The following RALYL variants were observed in gnomAD, a reference collection of about 807,000 sequenced individuals.
RALYL encodes the protein RNA-binding Raly-like protein.
RALYL carries 29 observed loss-of-function variants against 35.1 expected under a neutral mutation model. The observed-to-expected ratio is 0.83, with a 90% confidence interval of 0.61 to 1.13. RALYL has a LOEUF of 1.13. RALYL is among the 50% of genes most tolerant of loss of function. The pLI, the probability that RALYL is intolerant of heterozygous loss-of-function variation, is 0.00. For missense variants in RALYL, 359 were observed against 360.4 expected, an observed-to-expected ratio of 1.00 and a Z score of 0.03; for synonymous variants, 120 against 127.6, an observed-to-expected ratio of 0.94 and a Z score of 0.40.
In RALYL at chr8:84,921,494, A is replaced by C. The variant is rs1417240162; in HGVS notation, c.*583A>C. On this transcript the variant is annotated 3_prime_UTR_variant, in exon 9 of 9. Coordinates refer to ENST00000521268, the MANE Select transcript of RALYL (RefSeq NM_173848.7). ...GCAGATATTTCAGATGTGATATAAT[A>C]GTTAAAGAACTGTTGGTTTGATCTG... The C allele has an allele frequency of 6.6e-6, 1 of 152,158 alleles. No homozygotes were observed. The highest frequency in any genetic ancestry group is 2.4e-5 in the African/African-American group (1 of 41,466). The allele number at this position is 152,158 out of a possible 1,614,324, so 9.4% of individuals were successfully genotyped here.
intron 1 of RALYL, among the ~76,000 whole-genome samples, chr8:84,466,679 C>A (rs1215834899): frequency 6.6e-6 from 1 of 151,588 alleles, no homozygotes; most frequent in Admixed American, 6.6e-5. Flanking sequence ...GGGAGGATTC[C>A]CTCTTTTTCT....
intron 1 of RALYL, among the ~76,000 whole-genome samples, chr8:84,311,087 A>ATAT (rs1234346778): frequency 1.5e-5 from 2 of 130,288 alleles, no homozygotes; most frequent in Non-Finnish European, 3.2e-5. Flanking sequence ...AAAAAAAAAA[A>ATAT]AAAATGTATA....
At chr8:84,296,854 T>A (rs1839851452) in intron 1 of RALYL, among the ~76,000 whole-genome samples, 1 of 151,872 alleles carries the variant, frequency 6.6e-6, no homozygotes, top group Non-Finnish European at 1.5e-5. Context: ...CAGCTGAATA[T>A]TATACTTTGA....
At chr8:84,745,379 A>C (rs1395052460) in intron 2 of RALYL, among the ~76,000 whole-genome samples, 2 of 151,996 alleles carry the variant, frequency 1.3e-5, no homozygotes, top group African/African-American at 4.8e-5. Flanking sequence ...ATGATGAAAA[A>C]ATTTTAGTGC....
At chr8:84,846,641 C>T (rs1264301154) in intron 4 of RALYL, among the ~76,000 whole-genome samples, 1 of 152,144 alleles carries the variant, frequency 6.6e-6, no homozygotes, top group African/African-American at 2.4e-5. Flanking sequence ...TACATCTGAT[C>T]ATGAGCTTTT....
At chr8:84,431,708 G>A (rs1417801139) in intron 1 of RALYL, among the ~76,000 whole-genome samples, 2 of 152,206 alleles carry the variant, frequency 1.3e-5, no homozygotes, top group Admixed American at 6.5e-5. Context: ...GTTCATTCAT[G>A]GTGAGGCAAA....
intron 2 of RALYL, among the ~76,000 whole-genome samples, chr8:84,717,174 G>A (rs1049422895): frequency 2.6e-5 from 4 of 152,206 alleles, no homozygotes; most frequent in Middle Eastern, 6.8e-3. Flanking sequence ...GCGACAGAGC[G>A]GGACTCCGTC....
intron 1 of RALYL, among the ~76,000 whole-genome samples, chr8:84,223,655 T>G (rs550860655): frequency 2.4e-4 from 37 of 152,176 alleles, no homozygotes; most frequent in Non-Finnish European, 3.4e-4. Context: ...GAAGGAAGTT[T>G]GAGATTCCAG....
At chr8:84,838,656 T>C in intron 4 of RALYL, among the ~76,000 whole-genome samples, 1 of 152,232 alleles carries the variant, frequency 6.6e-6, no homozygotes. Context: ...TACTTAGCTA[T>C]AACTGGTTCT....
chr8:84,481,455 A>C (rs1168326013), intron 1 of RALYL, among the ~76,000 whole-genome samples: 1 of 150,560 alleles, frequency 6.6e-6, no homozygotes, highest in Non-Finnish European at 1.5e-5. Flanking sequence ...TCAGCTTCCC[A>C]AGTAACTAGG....
At chr8:84,284,650 C>T (rs992515121) in intron 1 of RALYL, among the ~76,000 whole-genome samples, 1 of 152,102 alleles carries the variant, frequency 6.6e-6, no homozygotes, top group African/African-American at 2.4e-5. Context: ...AGTGCTTTAA[C>T]CTTATCACAG....
intron 1 of RALYL, among the ~76,000 whole-genome samples, chr8:84,264,988 G>A (rs1833015734): frequency 6.6e-6 from 1 of 152,200 alleles, no homozygotes; most frequent in Admixed American, 6.5e-5. Flanking sequence ...GATTAGATCT[G>A]AATGCTAATG....
At chr8:84,337,458 C>T (rs1848010035) in intron 1 of RALYL, among the ~76,000 whole-genome samples, 1 of 151,770 alleles carries the variant, frequency 6.6e-6, no homozygotes, top group South Asian at 2.1e-4. Context: ...ATCATTCATC[C>T]ATGTAGATAC....
At chr8:84,721,018 G>A (rs1843799961) in intron 2 of RALYL, among the ~76,000 whole-genome samples, 1 of 151,842 alleles carries the variant, frequency 6.6e-6, no homozygotes, top group South Asian at 2.1e-4. Context: ...AGAAAGGGAA[G>A]TGGGAATGCA....
At position 84,354,096 on chromosome 8, in the gene RALYL, A is replaced by G. The variant is rs1411929871; in HGVS notation, c.-24+169672A>G. Reference sequence around the variant, plus strand: ...TTTTTTTCACACAGCCCTTTAAAAGAAAGTGTATTGTGGCTACTGAAGAAA... The same window carrying G: ...TTTTTTTCACACAGCCCTTTAAAAGGAAGTGTATTGTGGCTACTGAAGAAA... On this transcript the variant is annotated intron_variant, in intron 1 of 8. Coordinates refer to ENST00000521268, the MANE Select transcript of RALYL (RefSeq NM_173848.7). Among the ~76,000 whole-genome samples, 3 of 149,474 alleles carry G rather than the reference A, an allele frequency of 2.0e-5. 1 individual carries two copies. Among genetic ancestry groups the G allele is most frequent in the African/African-American group, 5.0e-5 (2 of 40,054 alleles).
chr8:84,384,754 G>T (rs963210720), intron 1 of RALYL, among the ~76,000 whole-genome samples: 1 of 151,706 alleles, frequency 6.6e-6, no homozygotes, highest in Non-Finnish European at 1.5e-5. Flanking sequence ...ACACCAGTCC[G>T]TCCTAGGTAC....
At chr8:84,859,822 G>A (rs929186820) in intron 5 of RALYL, among the ~76,000 whole-genome samples, 3 of 152,070 alleles carry the variant, frequency 2.0e-5, no homozygotes, top group Admixed American at 6.6e-5. Flanking sequence ...TCCAGCCTGG[G>A]TGACAGAGTG....
rs1190104747 is a variant in RALYL at position 84,764,321 on chromosome 8, G to C, written c.257-10258G>C. 2.0e-5 allele frequency among the ~76,000 whole-genome samples: 3 copies of C among 152,080 alleles called. No homozygotes were observed. In the East Asian group the frequency reaches 5.8e-4, roughly 29 times the overall value. On this transcript the variant is annotated intron_variant, in intron 2 of 8. Coordinates refer to ENST00000521268, the MANE Select transcript of RALYL (RefSeq NM_173848.7). ...GTTTGTTTACCCAAACTTTAGCATG[G>C]CACCGGGCATATGTTGTATGTTCAA...
intron 1 of RALYL, among the ~76,000 whole-genome samples, chr8:84,302,963 C>G (rs1211782122): frequency 2.0e-5 from 3 of 152,102 alleles, no homozygotes; most frequent in African/African-American, 7.2e-5. Context: ...AATCTTAAGT[C>G]TTGTAGTTAT....
Sources: gnomAD v4.1 joint callset for allele counts (sites outside exome capture counted in the v4.1 genomes callset) on GRCh38, gnomAD v4.1.1 for gene constraint, MANE v1.5 for transcripts, NCBI Gene and HGNC (gene_info 2026-07-23, HGNC 2026-07-21) for gene names.